The following SIKE1 variants were observed in gnomAD, a reference collection of about 807,000 sequenced individuals.
The protein encoded by SIKE1 is suppressor of IKBKE 1.
In SIKE1, 13 loss-of-function variants were observed where a neutral mutation model predicts 25.8. That is an observed-to-expected ratio of 0.50 (90% CI 0.33 to 0.80). The LOEUF (loss-of-function observed/expected upper bound fraction) is 0.80, where lower values mean the gene tolerates loss of function less well. Ranked by LOEUF, SIKE1 falls within the 30% of genes least tolerant of loss-of-function variation. The pLI is 0.02. For synonymous variants in SIKE1, 86 were observed against 95.5 expected (o/e 0.90, Z 0.58); for missense variants, 222 against 252.4 (o/e 0.88, Z 0.82).
At position 114,780,550 on chromosome 1, in the gene SIKE1, G is replaced by A. The variant is rs374543119; in HGVS notation, c.58C>T (p.Arg20Trp). The A allele has an allele frequency of 1.2e-6, 2 of 1,613,592 alleles. No individual in the cohort carries two copies. Among genetic ancestry groups the A allele is most frequent in the Non-Finnish European group, 8.5e-7 (1 of 1,179,970 alleles). The change falls in exon 1 of 5, where the codon CGG becomes TGG. Residue 20 changes from arginine (R) to tryptophan (W), a missense_variant. Arg to Trp is a moderately radical substitution (Grantham distance 101). Transcript: ENST00000060969. ...TDAKTLLERL[R>W]EHDAAAESLV... Reference sequence around the variant, plus strand: ...GACTCGGCGGCCGCATCGTGCTCCCGTAGCCTCTCCAGCAGCGTCTTGGCG... The same window carrying A: ...GACTCGGCGGCCGCATCGTGCTCCCATAGCCTCTCCAGCAGCGTCTTGGCG...
chr1:114,773,101 T>C lies in SIKE1; in HGVS notation c.*1170A>G, dbSNP rs563925961. 1 of 152,228 alleles carries C rather than the reference T, an allele frequency of 6.6e-6. No individual in the cohort carries two copies. Among genetic ancestry groups the C allele is most frequent in the African/African-American group, 2.4e-5 (1 of 41,556 alleles). 9.4% of individuals were successfully genotyped at this position (152,228 alleles called of 1,614,324 possible). The stretch of plus-strand genomic sequence containing the variant: ...TAATTCTGGGCAAATCTAAATAGAA[T>C]AGTATAACATGAAGAAATTTATAAA... On this transcript the variant is annotated 3_prime_UTR_variant, in exon 5 of 5. Transcript: ENST00000060969.
intron 4 of SIKE1, among the ~76,000 whole-genome samples, 185 bp downstream of exon 4, chr1:114,776,161 T>C (rs983167278): frequency 6.6e-6 from 1 of 152,126 alleles, no homozygotes; most frequent in Non-Finnish European, 1.5e-5. Flanking sequence ...GTATTTCCAT[T>C]GATTGCTGTT....
rs1182359735 is a variant in SIKE1 at position 114,776,403 on chromosome 1, T to C, written c.465A>G (p.Ala155=). Residue 155 remains alanine (A), a synonymous_variant, in exon 4 of 5, where the codon GCA becomes GCG. Transcript: ENST00000060969. ...ICEMGEVMRK[A]VQVDDDQFCK... ...AAAACTGGTCATCATCCACCTGAAC[T>C]GCTTTCCTCATCACTTCTCCCATTT... 9.9e-6 allele frequency: 16 copies of C among 1,613,724 alleles called. No homozygotes were observed. Among genetic ancestry groups the C allele is most frequent in the Non-Finnish European group, 1.4e-5 (16 of 1,179,860 alleles).
intron 3 of SIKE1, among the ~76,000 whole-genome samples, chr1:114,777,061 T>TG (rs1485695713): frequency 6.6e-6 from 1 of 152,042 alleles, no homozygotes; most frequent in Non-Finnish European, 1.5e-5. Flanking sequence ...TGAGAACACT[T>TG]GGACACAGGG....
intron 1 of SIKE1, 106 bp from the exon 2 acceptor site, chr1:114,780,321 A>T (rs181702697): frequency 3.4e-4 from 535 of 1,582,392 alleles, no homozygotes; most frequent in Non-Finnish European, 4.3e-4. Context: ...GCCCCGACCC[A>T]GGAAAATGGT....
In SIKE1 at chr1:114,771,435, T is replaced by C. The variant is rs1662067696; in HGVS notation, c.*2836A>G. ...TAGTGATTAAAAATGTGCTTAAGAC[T>C]CTGTCTGGGTTTGAATCTTGGTTCC... On this transcript the variant is annotated 3_prime_UTR_variant, in exon 5 of 5. Transcript: ENST00000060969. The C allele has an allele frequency of 6.6e-6, 1 of 151,924 alleles. No individual in the cohort carries two copies. Among genetic ancestry groups the C allele is most frequent in the Non-Finnish European group, 1.5e-5 (1 of 68,044 alleles). The allele number at this position is 151,924 out of a possible 1,614,324, so 9.4% of individuals were successfully genotyped here.
intron 3 of SIKE1, chr1:114,778,867 AAAC>A (rs1662324325): frequency 1.2e-5 from 4 of 343,398 alleles, no homozygotes; most frequent in African/African-American, 9.3e-5. Context: ...CTCTACCAAA[AAAC>A]AAACAAACAA....
chr1:114,774,042 A>C lies in SIKE1; in HGVS notation c.*229T>G, dbSNP rs1185329813. The C allele has an allele frequency of 2.9e-6, 1 of 345,436 alleles. No individual in the cohort carries two copies. Among genetic ancestry groups the C allele is most frequent in the Non-Finnish European group, 5.2e-6 (1 of 192,086 alleles). The allele number at this position is 345,436 out of a possible 1,614,324, so 21.4% of individuals were successfully genotyped here. A position where few individuals can be genotyped will look rare whatever the true frequency, so the allele number is the denominator to read the frequency against. On this transcript the variant is annotated 3_prime_UTR_variant, in exon 5 of 5. Transcript: ENST00000060969. The stretch of plus-strand genomic sequence containing the variant: ...TCAAGGTCCCAGAAATGAAAATTAA[A>C]AGTAGTCTCTTTGAGAAAGGAATGG...
At position 114,779,269 on chromosome 1, in the gene SIKE1, A is replaced by G. The variant is rs759696492; in HGVS notation, c.281T>C (p.Leu94Ser). 1 of 1,614,160 alleles carries G rather than the reference A, an allele frequency of 6.2e-7. No homozygotes were observed. Among genetic ancestry groups the G allele is most frequent in the Non-Finnish European group, 8.5e-7 (1 of 1,180,030 alleles). ...QQENRELWIS[L>S]EEHQDALELI... ...TTCCAAAGCATCCTGGTGTTCCTCC[A>G]AGGAAATCCATAGCTCTGTCAAAAA... Residue 94 changes from leucine to serine, a missense_variant, in exon 3 of 5, where the codon TTG (leucine) becomes TCG (serine). Leu to Ser is a moderately radical substitution (Grantham distance 145). Transcript: ENST00000060969.
At chr1:114,779,808 C>T (rs543246559) in intron 2 of SIKE1, among the ~76,000 whole-genome samples, 2 of 152,324 alleles carry the variant, frequency 1.3e-5, no homozygotes, top group South Asian at 2.1e-4. Context: ...TATATTAATA[C>T]TTAAACATTA....
chr1:114,780,464 T>C lies in SIKE1; in HGVS notation c.144A>G (p.Thr48=), dbSNP rs766286866. The C allele has an allele frequency of 6.2e-6, 10 of 1,612,934 alleles. No homozygotes were observed. Among genetic ancestry groups the C allele is most frequent in the Non-Finnish European group, 8.5e-6 (10 of 1,180,016 alleles). ...TCTGCCTGACCTGGTCCGGAAGCGC[T>C]GTCCCCGCCTCCCGCATAGCTGCTA... ...RRVAAMREAG[T]ALPDQYQEDA... is the part of the protein sequence containing the mutation. Residue 48 remains threonine (T), a synonymous_variant, in exon 1 of 5, where the codon ACA becomes ACG. Coordinates refer to ENST00000060969, the MANE Select transcript of SIKE1 (RefSeq NM_025073.3).
At position 114,780,114 on chromosome 1, in the gene SIKE1, G is replaced by A; in HGVS notation, c.261C>T (p.Asn87=). 1 of 1,610,722 alleles carries A rather than the reference G, an allele frequency of 6.2e-7. No homozygotes were observed. Among genetic ancestry groups the A allele is most frequent in the Non-Finnish European group, 8.5e-7 (1 of 1,178,132 alleles). ...NTQIRDLQQE[N]RELWISLEEH... The stretch of plus-strand genomic sequence containing the variant: ...ATATGAAAAGGCCTGACTAACCTCT[G>A]TTTTCCTGTTGCAAGTCTCTAATCT... Residue 87 remains asparagine, a synonymous_variant, in exon 2 of 5, where the codon AAC becomes AAT. Coordinates refer to ENST00000060969, the MANE Select transcript of SIKE1 (RefSeq NM_025073.3).
Position 114,780,179 on chromosome 1 carries a change from T to C in SIKE1, c.196A>G (p.Lys66Glu), listed in dbSNP as rs1351108067. 1.2e-6 allele frequency: 2 copies of C among 1,614,034 alleles called. No individual in the cohort carries two copies. Among genetic ancestry groups the C allele is most frequent in the Non-Finnish European group, 1.7e-6 (2 of 1,179,942 alleles). Residue 66 changes from lysine to glutamate, a missense_variant, in exon 2 of 5, where the codon AAA (lysine) becomes GAA (glutamate). Physicochemically the swap from Lys to Glu is moderately conservative, Grantham distance 56. Coordinates refer to ENST00000060969, the MANE Select transcript of SIKE1 (RefSeq NM_025073.3). ...EDASDMKDMS[K>E]YKPHILLSQE... ...GACAGCAGAATGTGAGGTTTGTATT[T>C]GGACATGTCCTTCATATCGGATGCA...
intron 3 of SIKE1, chr1:114,778,832 C>T: frequency 2.9e-6 from 1 of 342,164 alleles, no homozygotes; most frequent in South Asian, 3.8e-5. Flanking sequence ...TTCAGACCAG[C>T]CTGGGCAACA....
At chr1:114,778,040 A>C (rs1412592471) in intron 3 of SIKE1, among the ~76,000 whole-genome samples, 1 of 152,234 alleles carries the variant, frequency 6.6e-6, no homozygotes, top group Non-Finnish European at 1.5e-5. Context: ...TACGAGAAGA[A>C]AATCTATTTT....
rs2101126172 is a variant in SIKE1 at position 114,773,381 on chromosome 1, A to C, written c.*890T>G. On this transcript the variant is annotated 3_prime_UTR_variant, in exon 5 of 5. Transcript: ENST00000060969. ...GCTAGGAATGAAAGACATCCAATCC[A>C]AGTAAGTGATGGTTCTTAACTATAA... 1 of 152,258 alleles carries C rather than the reference A, an allele frequency of 6.6e-6. No homozygotes were observed. The highest frequency in any genetic ancestry group is 2.4e-5 in the African/African-American group (1 of 41,592). The allele number at this position is 152,258 out of a possible 1,614,324, so 9.4% of individuals were successfully genotyped here. A position where few individuals can be genotyped will look rare whatever the true frequency, so the allele number is the denominator to read the frequency against.
rs775584292 is a variant in SIKE1, at chr1:114,779,280, T to C, written c.270A>G (p.Leu90=). ...IRDLQQENRE[L]WISLEEHQDA... is the part of the protein sequence containing the mutation. ...CCTGGTGTTCCTCCAAGGAAATCCA[T>C]AGCTCTGTCAAAAAATAAAAGAACT... Residue 90 remains leucine (L), a synonymous_variant, in exon 3 of 5, where the codon CTA becomes CTG. Transcript: ENST00000060969. 3.3e-5 allele frequency: 53 copies of C among 1,613,286 alleles called. No homozygotes were observed. Among genetic ancestry groups the C allele is most frequent in the South Asian group, 4.4e-5 (4 of 90,866 alleles).
intron 4 of SIKE1, 52 bp downstream of exon 4, chr1:114,776,294 C>T (rs1195489184): frequency 9.1e-7 from 1 of 1,098,704 alleles, no homozygotes; most frequent in African/African-American, 1.5e-5. Flanking sequence ...GCATATCTTC[C>T]AGACTCGGAA....
intron 1 of SIKE1, 107 bp from the exon 2 acceptor site, chr1:114,780,322 G>A: frequency 6.3e-7 from 1 of 1,584,662 alleles, no homozygotes; most frequent in Non-Finnish European, 8.6e-7. Context: ...CCCCGACCCA[G>A]GAAAATGGTC....
Sources: allele counts gnomAD v4.1 joint callset (sites outside exome capture counted in the v4.1 genomes callset), GRCh38; gene constraint gnomAD v4.1.1; transcripts MANE v1.5; gene names NCBI Gene and HGNC (gene_info 2026-07-23, HGNC 2026-07-21).